The following CSPP1 variants were observed in gnomAD, a reference collection of about 807,000 sequenced individuals.
CSPP1 encodes centrosome and spindle pole-associated protein 1.
Under a neutral mutation model 164.4 loss-of-function variants are expected in CSPP1, and 126 were observed. The ratio of observed to expected loss-of-function variants is 0.77; its 90% CI spans 0.66 to 0.89. The LOEUF is 0.89. CSPP1 is among the 40% of genes least tolerant of loss of function. The pLI is 0.00. For synonymous variants in CSPP1, 472 were observed against 476.7 expected, an observed-to-expected ratio of 0.99 and a Z score of 0.13; for missense variants, 1,395 against 1,449.8, an observed-to-expected ratio of 0.96 and a Z score of 0.61.
At chr8:67,171,975 G>A (rs930449073) in intron 24 of CSPP1, among the ~76,000 whole-genome samples, 1 of 151,910 alleles carries the variant, frequency 6.6e-6, no homozygotes, top group Non-Finnish European at 1.5e-5. Context: ...AGCCTCCCGA[G>A]TAGCTGGGAC....
At position 67,149,535 on chromosome 8, in the gene CSPP1, G is replaced by A. The variant is rs1351374168; in HGVS notation, c.1976-248G>A. Among the ~76,000 whole-genome samples the A allele has an allele frequency of 2.0e-5, 3 of 152,084 alleles. No individual in the cohort carries two copies. In the East Asian group the frequency reaches 5.8e-4, roughly 29 times the overall value. On this transcript the variant is annotated intron_variant, in intron 17 of 30. Transcript: ENST00000678616. Reference sequence around the variant, plus strand: ...TAGATACTGTTAATATGGTTTTTATGTTTTGTTAAAGATTTATGTGTCCTT... The same window carrying A: ...TAGATACTGTTAATATGGTTTTTATATTTTGTTAAAGATTTATGTGTCCTT...
At chr8:67,107,439 G>GTACCCTGA (rs1586154711) in intron 9 of CSPP1, among the ~76,000 whole-genome samples, 2 of 152,284 alleles carry the variant, frequency 1.3e-5, no homozygotes, top group East Asian at 3.9e-4. Context: ...AAGGATTATT[G>GTACCCTGA]TACCCTGACC....
At chr8:67,176,004 A>T in intron 26 of CSPP1, among the ~76,000 whole-genome samples, 1 of 149,612 alleles carries the variant, frequency 6.7e-6, no homozygotes, top group Non-Finnish European at 1.5e-5. Context: ...TGAGGAGGTT[A>T]TATTTTGTTG....
In CSPP1 at chr8:67,118,723, T is replaced by C; in HGVS notation, c.1619-20T>C. 1 of 1,556,702 alleles carries C rather than the reference T, an allele frequency of 6.4e-7. No homozygotes were observed. Among genetic ancestry groups the C allele is most frequent in the Non-Finnish European group, 8.7e-7 (1 of 1,143,380 alleles). The stretch of plus-strand genomic sequence containing the variant: ...ATTATTCTAAATAAACTTTTTTTGT[T>C]TTTTTGTTTTTTCTTTAAGATGGTT... On this transcript the variant is annotated intron_variant, in intron 14 of 30. Transcript: ENST00000678616.
intron 28 of CSPP1, among the ~76,000 whole-genome samples, chr8:67,186,033 A>G (rs1343859030): frequency 2.0e-5 from 3 of 152,244 alleles, no homozygotes; most frequent in Non-Finnish European, 2.9e-5. Context: ...TTCATTAATT[A>G]TGTGAAGAAT....
intron 9 of CSPP1, among the ~76,000 whole-genome samples, chr8:67,111,272 A>G (rs16933162): frequency 0.12 from 18,745 of 152,158 alleles, 2,263 homozygotes; most frequent in African/African-American, 0.31. Flanking sequence ...AGGAATACCA[A>G]GGTGAGAGGT....
intron 8 of CSPP1, among the ~76,000 whole-genome samples, chr8:67,104,782 C>T (rs1299471187): frequency 1.3e-5 from 2 of 150,690 alleles, no homozygotes; most frequent in Admixed American, 1.3e-4. Flanking sequence ...GGATTAGAGG[C>T]GTGTGTCACC....
chr8:67,141,729 G>A (rs1215650856), intron 17 of CSPP1, among the ~76,000 whole-genome samples: 2 of 152,078 alleles, frequency 1.3e-5, no homozygotes, highest in African/African-American at 4.8e-5. Flanking sequence ...CCATGTTGGT[G>A]GTCTTGAACT....
chr8:67,086,915 G>A lies in CSPP1; in HGVS notation c.303+805G>A, dbSNP rs558373721. On this transcript the variant is annotated intron_variant, in intron 4 of 30. Transcript: ENST00000678616. ...TTTTTTTTTTTTTTACGATCTAGAAGGTTGCAATCATTTGCATTTATGAGA... is the reference window on the plus strand; with the variant it reads ...TTTTTTTTTTTTTTACGATCTAGAAAGTTGCAATCATTTGCATTTATGAGA... 35 of 865,708 alleles carry A rather than the reference G, an allele frequency of 4.0e-5. 1 individual carries two copies. In the South Asian group the frequency reaches 4.4e-4, roughly 11 times the overall value. 53.6% of individuals were successfully genotyped at this position (865,708 alleles called of 1,614,324 possible).
At chr8:67,151,716 TA>T (rs879890665) in intron 18 of CSPP1, among the ~76,000 whole-genome samples, 5 of 148,494 alleles carry the variant, frequency 3.4e-5, no homozygotes, top group Admixed American at 6.7e-5. Flanking sequence ...AAGAATTGAG[TA>T]AAAAAAAAAC....
chr8:67,154,238 C>A, intron 19 of CSPP1, 102 bp downstream of exon 19: 1 of 628,794 alleles, frequency 1.6e-6, no homozygotes, highest in Non-Finnish European at 2.8e-6. Context: ...AAATGCCATA[C>A]TGTTATCTAA....
intron 28 of CSPP1, among the ~76,000 whole-genome samples, chr8:67,186,420 A>T (rs1489302056): frequency 1.7e-4 from 4 of 24,112 alleles, no homozygotes; most frequent in African/African-American, 1.8e-3. Flanking sequence ...TTTTAAATTA[A>T]AAAAAAAAAA....
chr8:67,193,698 A>G, intron 30 of CSPP1, 96 bp downstream of exon 30: 1 of 1,113,388 alleles, frequency 9.0e-7, no homozygotes, highest in Non-Finnish European at 1.3e-6. Context: ...GGATAGATGG[A>G]ATGAGTTTGA....
chr8:67,166,133 T>G (rs1417375024), intron 24 of CSPP1, among the ~76,000 whole-genome samples: 1 of 152,186 alleles, frequency 6.6e-6, no homozygotes, highest in Non-Finnish European at 1.5e-5. Context: ...ATCCTTTTGT[T>G]TTTTGAAGAC....
At position 67,183,748 on chromosome 8, in the gene CSPP1, C is replaced by T. The variant is rs568510778; in HGVS notation, c.3220+3822C>T. On this transcript the variant is annotated intron_variant, in intron 28 of 30. Transcript: ENST00000678616. Reference sequence around the variant, plus strand: ...AGAAGATACCAACAGAAAATCTAGACGACCTTGGATATGGTGATGACTTTT... The same window carrying T: ...AGAAGATACCAACAGAAAATCTAGATGACCTTGGATATGGTGATGACTTTT... Among the ~76,000 whole-genome samples, 10 of 150,632 alleles carry T rather than the reference C, an allele frequency of 6.6e-5. No homozygotes were observed. The East Asian group carries it at 9.7e-4, about 15-fold the overall frequency.
intron 28 of CSPP1, among the ~76,000 whole-genome samples, chr8:67,183,222 C>A (rs1323856908): frequency 1.3e-5 from 2 of 152,130 alleles, no homozygotes; most frequent in Non-Finnish European, 2.9e-5. Context: ...TTTTTAACAC[C>A]TCTCTATCAG....
chr8:67,130,009 C>T (rs1416408999), intron 15 of CSPP1, among the ~76,000 whole-genome samples: 1 of 152,176 alleles, frequency 6.6e-6, no homozygotes, highest in Non-Finnish European at 1.5e-5. Context: ...CTGTATGAGT[C>T]CACCTACATG....
At chr8:67,129,267 T>G (rs1335764785) in intron 15 of CSPP1, among the ~76,000 whole-genome samples, 3 of 152,146 alleles carry the variant, frequency 2.0e-5, no homozygotes, top group African/African-American at 7.2e-5. Flanking sequence ...CTATCATTGC[T>G]TCCTTTCACA....
chr8:67,074,666 T>C (rs1158483185), intron 2 of CSPP1: 1 of 240,208 alleles, frequency 4.2e-6, no homozygotes, highest in Non-Finnish European at 8.1e-6. Context: ...AAGTTTATAG[T>C]CTATGTGAAA....
Sources: gnomAD v4.1 joint callset for allele counts (sites outside exome capture counted in the v4.1 genomes callset) on GRCh38, gnomAD v4.1.1 for gene constraint, MANE v1.5 for transcripts, NCBI Gene and HGNC (gene_info 2026-07-23, HGNC 2026-07-21) for gene names.